INPP5A: variants seen among roughly 807,000 people sequenced by gnomAD.
INPP5A encodes 43 kDa inositol polyphosphate 5-phophatase.
Under a neutral mutation model 65.2 loss-of-function variants are expected in INPP5A, and 14 were observed. The observed-to-expected ratio is 0.21, with a 90% CI of 0.14 to 0.34. The LOEUF is 0.34. Among genes scored for constraint, INPP5A ranks in the 10% least tolerant of loss-of-function variants. INPP5A has a pLI of 1.00. For missense variants in INPP5A, 431 were observed against 545.6 expected (o/e 0.79, Z 2.09); for synonymous variants, 207 against 208.3 (o/e 0.99, Z 0.05).
At chr10:132,701,420 A>G (rs1360080682) in intron 6 of INPP5A, among the ~76,000 whole-genome samples, 1 of 152,220 alleles carries the variant, frequency 6.6e-6, no homozygotes, top group Non-Finnish European at 1.5e-5. Context: ...GCCGGTGACC[A>G]GAAAGTTCCC....
At chr10:132,618,392 T>G (rs1225700971) in intron 2 of INPP5A, among the ~76,000 whole-genome samples, 2 of 152,234 alleles carry the variant, frequency 1.3e-5, no homozygotes, top group Non-Finnish European at 2.9e-5. Context: ...TCCATCATCA[T>G]CAGCTTTTAA....
At chr10:132,723,602 T>TGGCCGTGTGGGGATTGGCCA (rs1564984494) in intron 8 of INPP5A, among the ~76,000 whole-genome samples, 11 of 58,154 alleles carry the variant, frequency 1.9e-4, no homozygotes, top group African/African-American at 7.4e-4. Context: ...GGGATTGGTT[T>TGGCCGTGTGGGGATTGGCCA]TGTGGGGATT....
intron 2 of INPP5A, 91 bp from the exon 3 acceptor site, chr10:132,645,776 TC>T: frequency 1.0e-6 from 1 of 969,170 alleles, no homozygotes; most frequent in Non-Finnish European, 1.6e-6. Context: ...CCCTGGTGGC[TC>T]CCAGGCTGTG....
chr10:132,553,813 G>A (rs1208744944), intron 1 of INPP5A, among the ~76,000 whole-genome samples: 4 of 146,626 alleles, frequency 2.7e-5, no homozygotes, highest in South Asian at 2.2e-4. Flanking sequence ...AGCCTTGGTG[G>A]AATATTGGGT....
chr10:132,774,878 GAGA>G (rs1847021399), intron 12 of INPP5A, among the ~76,000 whole-genome samples: 5 of 89,324 alleles, frequency 5.6e-5, no homozygotes, highest in African/African-American at 1.2e-4. Flanking sequence ...GGGCAGGGAG[GAGA>G]GGCAGGGAGG....
chr10:132,620,958 G>C (rs948129971), intron 2 of INPP5A, among the ~76,000 whole-genome samples: 1 of 152,180 alleles, frequency 6.6e-6, no homozygotes, highest in African/African-American at 2.4e-5. Flanking sequence ...ATGCAAGCCT[G>C]GTTTAACATT....
chr10:132,597,249 C>A (rs914269617), intron 1 of INPP5A, among the ~76,000 whole-genome samples: 4 of 152,210 alleles, frequency 2.6e-5, no homozygotes, highest in African/African-American at 9.6e-5. Flanking sequence ...AGTGACAGAA[C>A]CTTTTCTGTT....
At chr10:132,693,051 A>G (rs1274286998) in intron 5 of INPP5A, among the ~76,000 whole-genome samples, 1 of 152,264 alleles carries the variant, frequency 6.6e-6, no homozygotes, top group Admixed American at 6.5e-5. Flanking sequence ...ACTCTGTTAT[A>G]AGAAACCTGT....
rs539524290 is a variant in INPP5A at position 132,559,010 on chromosome 10, C to T, written c.75+20839C>T. ...TTCCTCCCAGACCCATCGGCCTCCT[C>T]GGGACAGTCCAGCCCCGTCCTCTGG... On this transcript the variant is annotated intron_variant, in intron 1 of 15. Coordinates refer to ENST00000368594, the MANE Select transcript of INPP5A (RefSeq NM_005539.5). 9.2e-5 allele frequency among the ~76,000 whole-genome samples: 14 copies of T among 152,350 alleles called. No homozygotes were observed. In the South Asian group the frequency reaches 2.7e-3, roughly 29 times the overall value.
At chr10:132,682,403 G>A (rs183738303) in intron 4 of INPP5A, among the ~76,000 whole-genome samples, 16 of 152,350 alleles carry the variant, frequency 1.1e-4, no homozygotes, top group African/African-American at 3.6e-4. Context: ...TTTATGCTGT[G>A]TGCATTTTAC....
chr10:132,626,038 G>A (rs1285366061), intron 2 of INPP5A, among the ~76,000 whole-genome samples: 1 of 152,206 alleles, frequency 6.6e-6, no homozygotes, highest in Admixed American at 6.5e-5. Context: ...CTTCCCTGCT[G>A]CCCCGCCCCT....
At chr10:132,543,064 C>A (rs1374398182) in intron 1 of INPP5A, among the ~76,000 whole-genome samples, 3 of 152,112 alleles carry the variant, frequency 2.0e-5, no homozygotes, top group East Asian at 1.9e-4. Context: ...TCATCTCTGT[C>A]TCCCGGAGTG....
rs536197318 is a variant in INPP5A at position 132,603,272 on chromosome 10, C to G, written c.76-4643C>G. ...GCTGTATAGCAAACACGCTAAAGATCATCTCAGTTTTTTAGTACTTCTCAC... is the reference window on the plus strand; with the variant it reads ...GCTGTATAGCAAACACGCTAAAGATGATCTCAGTTTTTTAGTACTTCTCAC... On this transcript the variant is annotated intron_variant, in intron 1 of 15. Coordinates refer to ENST00000368594, the MANE Select transcript of INPP5A (RefSeq NM_005539.5). The surrounding 1 kb of genome is among the most constrained non-coding windows in gnomAD (Gnocchi z 4.2). Among the ~76,000 whole-genome samples the G allele has an allele frequency of 2.0e-5, 3 of 152,184 alleles. No homozygotes were observed. Among genetic ancestry groups the G allele is most frequent in the Non-Finnish European group, 2.9e-5 (2 of 68,032 alleles).
chr10:132,559,266 C>T, intron 1 of INPP5A, among the ~76,000 whole-genome samples: 1 of 152,242 alleles, frequency 6.6e-6, no homozygotes, highest in East Asian at 1.9e-4. Context: ...GAGTGAAGCG[C>T]ACACGTGGTA....
At chr10:132,746,342 G>A (rs1193407175) in intron 9 of INPP5A, among the ~76,000 whole-genome samples, 1 of 152,240 alleles carries the variant, frequency 6.6e-6, no homozygotes, top group Admixed American at 6.5e-5. Flanking sequence ...GTAGAGTTTT[G>A]GATTTTGTGG....
At chr10:132,589,391 G>A (rs1417277610) in intron 1 of INPP5A, among the ~76,000 whole-genome samples, 1 of 152,242 alleles carries the variant, frequency 6.6e-6, no homozygotes, top group Non-Finnish European at 1.5e-5. Context: ...CCTGGATGGT[G>A]GGTCAGAATG....
chr10:132,703,907 C>T (rs1286540602), intron 6 of INPP5A, among the ~76,000 whole-genome samples: 1 of 115,382 alleles, frequency 8.7e-6, no homozygotes, highest in African/African-American at 3.4e-5. Flanking sequence ...CACGTGGCTT[C>T]ACCCCCACAC....
intron 11 of INPP5A, among the ~76,000 whole-genome samples, chr10:132,754,255 C>T (rs536756101): frequency 5.9e-5 from 9 of 152,368 alleles, no homozygotes; most frequent in African/African-American, 2.2e-4. Context: ...TGGGAAGACC[C>T]GTGGGGTAAA....
chr10:132,702,341 T>A (rs1191261626), intron 6 of INPP5A, among the ~76,000 whole-genome samples: 11 of 152,202 alleles, frequency 7.2e-5, no homozygotes, highest in Admixed American at 7.2e-4. Flanking sequence ...CTATGGATAA[T>A]TAATGTTGGA....
Sources: gnomAD v4.1 joint callset for allele counts (sites outside exome capture counted in the v4.1 genomes callset) on GRCh38, gnomAD v4.1.1 for gene constraint, Gnocchi (gnomAD v3.1) non-coding constraint, MANE v1.5 for transcripts, NCBI Gene and HGNC (gene_info 2026-07-23, HGNC 2026-07-21) for gene names.